Variants in RELN observed in about 807,000 individuals in gnomAD.
RELN encodes the protein reelin.
RELN carries 108 observed loss-of-function variants against 427.6 expected under a neutral mutation model. The ratio of observed to expected loss-of-function variants is 0.25; its 90% confidence interval spans 0.22 to 0.30. The LOEUF (loss-of-function observed/expected upper bound fraction) is 0.30. Among genes scored for constraint, RELN ranks in the 10% least tolerant of loss-of-function variants. RELN has a pLI of 1.00. For synonymous variants in RELN, 1,524 were observed against 1,513.4 expected (o/e 1.01, Z -0.16); for missense variants, 3,715 against 4,302.8 (o/e 0.86, Z 3.82).
chr7:103,745,137 G>T lies in RELN; in HGVS notation c.656+4289C>A, dbSNP rs1790783856. ...TACGCAAATCAATAAATGTAATCCA[G>T]CATATAAACAGAACCAAAGACAAAA... On this transcript the variant is annotated intron_variant, in intron 6 of 64. Coordinates refer to ENST00000428762, the MANE Select transcript of RELN (RefSeq NM_005045.4). 4.6e-5 allele frequency among the ~76,000 whole-genome samples: 7 copies of T among 152,124 alleles called. No individual in the cohort carries two copies. The South Asian group carries it at 1.2e-3, about 27-fold the overall frequency.
intron 64 of RELN, chr7:103,476,815 TTTTTTG>T (rs1385035256): frequency 5.0e-5 from 12 of 239,558 alleles, no homozygotes; most frequent in African/African-American, 2.0e-4. Flanking sequence ...TGTGAGCCTA[TTTTTTG>T]TTTTTGATAC....
At chr7:103,558,106 C>A in intron 36 of RELN, 57 bp from the exon 37 acceptor site, 1 of 845,702 alleles carries the variant, frequency 1.2e-6, no homozygotes, top group South Asian at 1.4e-5. Flanking sequence ...AATTGTATCC[C>A]TTTGATTTTA....
In RELN at chr7:103,575,621, C is replaced by T. The variant is rs184601053; in HGVS notation, c.4230G>A (p.Glu1410=). ...PFGLDGVYIS[E]PCPSYCSGHG... Reference sequence around the variant, plus strand: ...GGCCACTGCAGTAACTGGGACAAGGCTCGGATATGTACACTCCATCTAAAC... The same window carrying T: ...GGCCACTGCAGTAACTGGGACAAGGTTCGGATATGTACACTCCATCTAAAC... The change falls in exon 29 of 65, where the codon GAG becomes GAA. Residue 1410 remains glutamate (E), a synonymous_variant. Transcript: ENST00000428762. 1.9e-6 allele frequency: 3 copies of T among 1,614,174 alleles called. No homozygotes were observed. The highest frequency in any genetic ancestry group is 2.2e-5 in the East Asian group (1 of 44,880).
intron 3 of RELN, among the ~76,000 whole-genome samples, chr7:103,825,549 T>A (rs1793116221): frequency 6.6e-6 from 1 of 152,150 alleles, no homozygotes; most frequent in African/African-American, 2.4e-5. Context: ...GCAAAAAACT[T>A]AGTTTTGCTT....
chr7:103,925,003 C>G, intron 1 of RELN, among the ~76,000 whole-genome samples: 1 of 42,376 alleles, frequency 2.4e-5, no homozygotes, highest in African/African-American at 1.2e-4. Flanking sequence ...CACACACACA[C>G]ACACACACAC....
At chr7:103,694,370 A>C (rs924672977) in intron 10 of RELN, among the ~76,000 whole-genome samples, 3 of 152,096 alleles carry the variant, frequency 2.0e-5, no homozygotes, top group Admixed American at 2.0e-4. Context: ...TGTATTTTGG[A>C]CAAGGTATTT....
At chr7:103,935,395 C>T (rs137940925) in intron 1 of RELN, among the ~76,000 whole-genome samples, 132 of 152,216 alleles carry the variant, frequency 8.7e-4, no homozygotes, top group African/African-American at 3.0e-3. Flanking sequence ...CCGGTCTACT[C>T]TCTTCCCTTA....
Position 103,545,265 on chromosome 7 carries a change from T to G in RELN, c.6382A>C (p.Ile2128Leu), listed in dbSNP as rs766193427. The change falls in exon 42 of 65, where the codon ATC becomes CTC. Residue 2128 changes from isoleucine to leucine, a missense_variant. By Grantham distance (5) the Ile-to-Leu change is conservative. Coordinates refer to ENST00000428762, the MANE Select transcript of RELN (RefSeq NM_005045.4). ...CACATCTCCTCACACTGGGGACCGA[T>G]GTAGACATTATCAATGGCCCATGTC... ...PVTWAIDNVY[I>L]GPQCEEMCNG... is the part of the protein sequence containing the mutation. 1 of 1,614,108 alleles carries G rather than the reference T, an allele frequency of 6.2e-7. No individual in the cohort carries two copies. The highest frequency in any genetic ancestry group is 1.1e-5 in the South Asian group (1 of 91,088).
chr7:103,920,567 G>GT lies in RELN; in HGVS notation c.227-3383dup, dbSNP rs530809994. 2.0e-3 allele frequency among the ~76,000 whole-genome samples: 270 copies of GT among 134,138 alleles called. 1 individual carries two copies. The highest frequency in any genetic ancestry group is 3.3e-3 in the African/African-American group (113 of 34,220). 88.0% of individuals were successfully genotyped at this position (134,138 alleles called of 152,430 possible). A position where few individuals can be genotyped will look rare whatever the true frequency, so the allele number is the denominator to read the frequency against. ...CACATGTTTGTTGTACCAGTCTTTG[G>GT]TTTTTTTTTTTGTTTTTTTTTTTTT... On this transcript the variant is annotated intron_variant, in intron 1 of 64. Coordinates refer to ENST00000428762, the MANE Select transcript of RELN (RefSeq NM_005045.4).
intron 1 of RELN, among the ~76,000 whole-genome samples, chr7:103,926,037 C>A (rs1189747799): frequency 3.4e-5 from 5 of 146,262 alleles, no homozygotes; most frequent in Non-Finnish European, 6.0e-5. Context: ...TAACAAATAA[C>A]AAAGTAACTC....
chr7:103,877,090 G>C (rs1174984421), intron 2 of RELN, among the ~76,000 whole-genome samples: 1 of 151,730 alleles, frequency 6.6e-6, no homozygotes, highest in Non-Finnish European at 1.5e-5. Flanking sequence ...CTCTTCTCAG[G>C]GCTGTTTGCA....
intron 3 of RELN, among the ~76,000 whole-genome samples, chr7:103,808,789 T>A (rs993582953): frequency 2.6e-5 from 4 of 151,962 alleles, no homozygotes; most frequent in Non-Finnish European, 5.9e-5. Flanking sequence ...AAAAAAGAAA[T>A]TTGGAAGATC....
rs911924109 is a variant in RELN at position 103,589,153 on chromosome 7, A to G, written c.4145+443T>C. Among the ~76,000 whole-genome samples, 20 of 152,314 alleles carry G rather than the reference A, an allele frequency of 1.3e-4. 2 individuals are homozygous for G. Among genetic ancestry groups the G allele is most frequent in the African/African-American group, 4.6e-4 (19 of 41,572 alleles). On this transcript the variant is annotated intron_variant, in intron 28 of 64. Transcript: ENST00000428762. Reference sequence around the variant, plus strand: ...TTTGGTGACTGCATATGCAGTGGTGACCCACTGAGGTTTTTGATCAACCTC... The same window carrying G: ...TTTGGTGACTGCATATGCAGTGGTGGCCCACTGAGGTTTTTGATCAACCTC...
At chr7:103,796,198 A>G (rs1792293917) in intron 3 of RELN, among the ~76,000 whole-genome samples, 1 of 152,226 alleles carries the variant, frequency 6.6e-6, no homozygotes, top group Admixed American at 6.5e-5. Flanking sequence ...GTCATACAGA[A>G]TACTGATTTC....
chr7:103,551,655 T>A lies in RELN; in HGVS notation c.6073-359A>T, dbSNP rs569508463. ...TGTTTCCCTAATCCTAACTGTTAGC[T>A]TCCCCCCCATCTAGGTAGGATACCT... On this transcript the variant is annotated intron_variant, in intron 40 of 64. Coordinates refer to ENST00000428762, the MANE Select transcript of RELN (RefSeq NM_005045.4). Among the ~76,000 whole-genome samples, 34 of 152,214 alleles carry A rather than the reference T, an allele frequency of 2.2e-4. No homozygotes were observed. In the South Asian group the frequency reaches 6.2e-3, roughly 28 times the overall value.
chr7:103,787,922 G>A (rs1205388791), intron 3 of RELN, among the ~76,000 whole-genome samples: 2 of 152,000 alleles, frequency 1.3e-5, no homozygotes, highest in Non-Finnish European at 2.9e-5. Context: ...GAACATCGAT[G>A]CAAAAATCCT....
chr7:103,859,104 T>C (rs1230554875), intron 2 of RELN, among the ~76,000 whole-genome samples: 1 of 152,122 alleles, frequency 6.6e-6, no homozygotes, highest in Non-Finnish European at 1.5e-5. Context: ...GTCAGGTGAC[T>C]GGGGAGAAAG....
intron 51 of RELN, among the ~76,000 whole-genome samples, chr7:103,504,979 G>A (rs926536790): frequency 2.0e-5 from 3 of 152,132 alleles, no homozygotes; most frequent in African/African-American, 7.2e-5. Flanking sequence ...GAAATGGGTG[G>A]AGCCCGCCTC....
At chr7:103,596,391 TCAA>T in intron 25 of RELN, 62 bp downstream of exon 25, 2 of 1,404,450 alleles carry the variant, frequency 1.4e-6, no homozygotes, top group Non-Finnish European at 2.0e-6. Context: ...TGGAAACACA[TCAA>T]CAATGATTTA....
Sources: gnomAD v4.1 joint callset for allele counts (sites outside exome capture counted in the v4.1 genomes callset) on GRCh38, gnomAD v4.1.1 for gene constraint, MANE v1.5 for transcripts, NCBI Gene and HGNC (gene_info 2026-07-23, HGNC 2026-07-21) for gene names.